CNTN4: variants seen among roughly 807,000 people sequenced by gnomAD.
CNTN4 encodes contactin 4, also known as contactin-4.
In CNTN4, 77 loss-of-function variants were observed where a neutral mutation model predicts 122.5. The ratio of observed to expected loss-of-function variants is 0.63; its 90% CI spans 0.52 to 0.76. CNTN4 has a LOEUF of 0.76. Among genes scored for constraint, CNTN4 ranks in the 30% least tolerant of loss-of-function variants. CNTN4 has a pLI of 0.00. For synonymous variants in CNTN4, 512 were observed against 447.0 expected, an observed-to-expected ratio of 1.15 and a Z score of -1.83; for missense variants, 1,256 against 1,259.1, an observed-to-expected ratio of 1.00 and a Z score of 0.04.
rs1553640929 is a variant in CNTN4, at chr3:2,400,428, C to CACATAT, written c.-89+61196_-89+61197insCATATA. Among the ~76,000 whole-genome samples the CACATAT allele has an allele frequency of 3.7e-4, 35 of 95,826 alleles. 1 individual carries two copies. The highest frequency in any genetic ancestry group is 1.2e-3 in the African/African-American group (34 of 27,290). The allele number at this position is 95,826 out of a possible 152,430, so 62.9% of individuals were successfully genotyped here. A position where few individuals can be genotyped will look rare whatever the true frequency, so the allele number is the denominator to read the frequency against. ...GAATATATATATATATATATATATA[C>CACATAT]ATATATATATATATATATATATCTC... On this transcript the variant is annotated intron_variant, in intron 3 of 24. Coordinates refer to ENST00000418658, the MANE Select transcript of CNTN4 (RefSeq NM_175607.3).
In CNTN4 at chr3:2,265,944, G is replaced by A. The variant is rs75294624; in HGVS notation, c.-144-73234G>A. Among the ~76,000 whole-genome samples the A allele has an allele frequency of 5.3e-3, 812 of 152,018 alleles. 6 individuals are homozygous for A. Among genetic ancestry groups the A allele is most frequent in the Non-Finnish European group, 8.5e-3 (579 of 67,920 alleles). On this transcript the variant is annotated intron_variant, in intron 2 of 24. Coordinates refer to ENST00000418658, the MANE Select transcript of CNTN4 (RefSeq NM_175607.3). ...TATTCTGCAACTTTATTGAATTTGTGTATCAGATTTAAGAGTTTTTCGTGG... is the reference window on the plus strand; with the variant it reads ...TATTCTGCAACTTTATTGAATTTGTATATCAGATTTAAGAGTTTTTCGTGG...
intron 3 of CNTN4, among the ~76,000 whole-genome samples, chr3:2,528,029 A>T (rs182422461): frequency 6.6e-6 from 1 of 152,242 alleles, no homozygotes; most frequent in African/African-American, 2.4e-5. Context: ...TCTTTCTAAA[A>T]CAATCAGTGT....
intron 4 of CNTN4, among the ~76,000 whole-genome samples, chr3:2,572,840 G>A (rs1051953800): frequency 2.0e-5 from 3 of 152,120 alleles, no homozygotes; most frequent in African/African-American, 2.4e-5. Context: ...ACAACTTGTT[G>A]TAGTAGATTA....
At chr3:3,009,126 T>G in intron 14 of CNTN4, 1 of 663,090 alleles carries the variant, frequency 1.5e-6, no homozygotes, top group Non-Finnish European at 1.9e-6. Flanking sequence ...GACTGGAGAG[T>G]AGGGGCCAAT....
At chr3:2,191,154 G>C (rs916991897) in intron 2 of CNTN4, among the ~76,000 whole-genome samples, 1 of 151,846 alleles carries the variant, frequency 6.6e-6, no homozygotes, top group Non-Finnish European at 1.5e-5. Flanking sequence ...GGCTGGCCTC[G>C]AACTCCTGGG....
intron 2 of CNTN4, among the ~76,000 whole-genome samples, chr3:2,275,919 C>CAAAAAAAAAAAAAAAAAAAAAAAAAA (rs767326367): frequency 1.9e-5 from 2 of 107,064 alleles, no homozygotes; most frequent in African/African-American, 4.0e-5. Context: ...GACTCTGTCT[C>CAAAAAAAAAAAAAAAAAAAAAAAAAA]AAAAAAAAAA....
chr3:2,116,604 ATAT>A (rs2033370935), intron 2 of CNTN4, among the ~76,000 whole-genome samples: 1 of 152,198 alleles, frequency 6.6e-6, no homozygotes, highest in Non-Finnish European at 1.5e-5. Context: ...TTCTAGGTAG[ATAT>A]AAATAGGATT....
intron 4 of CNTN4, among the ~76,000 whole-genome samples, chr3:2,595,794 A>C (rs2080741292): frequency 6.6e-6 from 1 of 152,106 alleles, no homozygotes; most frequent in Non-Finnish European, 1.5e-5. Context: ...CTGCTCATTT[A>C]AACTTACAAC....
chr3:2,631,744 T>C (rs1401741638), intron 4 of CNTN4, among the ~76,000 whole-genome samples: 1 of 151,576 alleles, frequency 6.6e-6, no homozygotes, highest in African/African-American at 2.4e-5. Flanking sequence ...AAAAATCATT[T>C]CTGGCCAGGC....
rs1240584399 is a variant in CNTN4 at position 2,353,794 on chromosome 3, GA to G, written c.-89+14562del. Among the ~76,000 whole-genome samples, 5 of 152,330 alleles carry G rather than the reference GA, an allele frequency of 3.3e-5. No individual in the cohort carries two copies. In the South Asian group the frequency reaches 1.0e-3, roughly 32 times the overall value. On this transcript the variant is annotated intron_variant, in intron 3 of 24. Transcript: ENST00000418658. ...GGCGCCTGTGGTCCCAGCTACTCGG[GA>G]GGCTGAGGCAGGAGAATGGCGGGAA...
chr3:2,615,569 C>T (rs2081684456), intron 4 of CNTN4, among the ~76,000 whole-genome samples: 1 of 79,784 alleles, frequency 1.3e-5, no homozygotes, highest in Non-Finnish European at 2.4e-5. Context: ...AGTTCATCAT[C>T]TATTTCACTC....
At chr3:2,867,927 A>G (rs1304858021) in intron 8 of CNTN4, among the ~76,000 whole-genome samples, 1 of 152,166 alleles carries the variant, frequency 6.6e-6, no homozygotes, top group African/African-American at 2.4e-5. Context: ...GGTACATCGA[A>G]GATTCTCAAT....
At chr3:2,756,164 T>A (rs1175069704) in intron 6 of CNTN4, among the ~76,000 whole-genome samples, 1 of 152,202 alleles carries the variant, frequency 6.6e-6, no homozygotes, top group South Asian at 2.1e-4. Flanking sequence ...TAAGTCAGAA[T>A]CTAATTGACT....
At chr3:3,032,692 G>T (rs1304617618) in intron 16 of CNTN4, among the ~76,000 whole-genome samples, 1 of 152,152 alleles carries the variant, frequency 6.6e-6, no homozygotes, top group Non-Finnish European at 1.5e-5. Flanking sequence ...CTATAGCACT[G>T]TAATGGCAGC....
intron 3 of CNTN4, among the ~76,000 whole-genome samples, chr3:2,512,399 C>G (rs886285032): frequency 6.6e-6 from 1 of 151,996 alleles, no homozygotes; most frequent in South Asian, 2.1e-4. Flanking sequence ...GTTCATTTAT[C>G]TTTTTATGTA....
intron 3 of CNTN4, among the ~76,000 whole-genome samples, chr3:2,538,160 G>A (rs865841191): frequency 1.3e-5 from 2 of 152,078 alleles, no homozygotes; most frequent in South Asian, 4.1e-4. Flanking sequence ...AAAACACCAT[G>A]TGAAGACTGG....
chr3:3,019,205 T>G (rs1698046248), intron 14 of CNTN4, among the ~76,000 whole-genome samples: 1 of 152,232 alleles, frequency 6.6e-6, no homozygotes, highest in South Asian at 2.1e-4. Context: ...GAGTCTTTAA[T>G]GGATTCTAAG....
chr3:2,667,299 G>C (rs1251657858), intron 4 of CNTN4, among the ~76,000 whole-genome samples: 1 of 152,098 alleles, frequency 6.6e-6, no homozygotes, highest in Non-Finnish European at 1.5e-5. Context: ...GGTGTGAGAT[G>C]GTATCTCATT....
intron 4 of CNTN4, among the ~76,000 whole-genome samples, chr3:2,615,061 A>G (rs1182182643): frequency 6.6e-6 from 1 of 152,120 alleles, no homozygotes; most frequent in Non-Finnish European, 1.5e-5. Context: ...TCCCTAAAAG[A>G]CAAAGAAAGT....
Sources: allele counts gnomAD v4.1 joint callset (sites outside exome capture counted in the v4.1 genomes callset), GRCh38; gene constraint gnomAD v4.1.1; transcripts MANE v1.5; gene names NCBI Gene and HGNC (gene_info 2026-07-23, HGNC 2026-07-21).